The following UBN2 variants were observed in gnomAD, a reference collection of about 807,000 sequenced individuals.
The protein encoded by UBN2 is ubinuclein-2.
Under a neutral mutation model 120.2 loss-of-function variants are expected in UBN2, and 35 were observed. The ratio of observed to expected loss-of-function variants is 0.29; its 90% CI spans 0.22 to 0.39. The LOEUF is 0.39. Ranked by LOEUF, UBN2 falls within the 10% of genes least tolerant of loss-of-function variation. The probability of loss-of-function intolerance (pLI) is 1.00; values close to 1 mark genes in which losing one functional copy is unlikely to be tolerated. For missense variants in UBN2, 1,693 were observed against 1,663.2 expected (o/e 1.02, Z -0.31); for synonymous variants, 661 against 648.7 (o/e 1.02, Z -0.29).
At chr7:139,235,551 C>G (rs561133529) in intron 1 of UBN2, among the ~76,000 whole-genome samples, 1 of 152,112 alleles carries the variant, frequency 6.6e-6, no homozygotes, top group Admixed American at 6.5e-5. Context: ...GGACTACAGG[C>G]GTGTGCCACC....
intron 8 of UBN2, among the ~76,000 whole-genome samples, chr7:139,269,995 G>A (rs1347794205): frequency 6.6e-6 from 1 of 151,890 alleles, no homozygotes; most frequent in Admixed American, 6.6e-5. Context: ...TTTTCTGTAG[G>A]GACAGGGTCT....
intron 5 of UBN2, 108 bp downstream of exon 5, chr7:139,259,478 T>G (rs1333335477): frequency 1.4e-6 from 2 of 1,411,830 alleles, no homozygotes; most frequent in African/African-American, 2.9e-5. Flanking sequence ...GAGTCTAATT[T>G]AGTACGTTAT....
chr7:139,260,330 T>C (rs1796893607), intron 5 of UBN2, among the ~76,000 whole-genome samples: 1 of 151,576 alleles, frequency 6.6e-6, no homozygotes, highest in Non-Finnish European at 1.5e-5. Flanking sequence ...ACTCCTGGGC[T>C]CAAGTGATTC....
At chr7:139,239,868 T>C (rs1295220591) in intron 2 of UBN2, among the ~76,000 whole-genome samples, 1 of 152,212 alleles carries the variant, frequency 6.6e-6, no homozygotes, top group Non-Finnish European at 1.5e-5. Context: ...GAGTGTCTAT[T>C]TTGCTGTGGG....
chr7:139,273,025 T>G lies in UBN2; in HGVS notation c.1716-272T>G, dbSNP rs538221235. ...CAAGAGCTGACACTGGTGAGAGATT[T>G]CACAACCCCAGCTTGACTGACTGTG... On this transcript the variant is annotated intron_variant, in intron 9 of 17. Coordinates refer to ENST00000473989, the MANE Select transcript of UBN2 (RefSeq NM_173569.4). Among the ~76,000 whole-genome samples, 8 of 152,330 alleles carry G rather than the reference T, an allele frequency of 5.3e-5. No homozygotes were observed. The South Asian group carries it at 1.7e-3, about 32-fold the overall frequency.
chr7:139,242,870 G>C (rs1403098204), intron 2 of UBN2, among the ~76,000 whole-genome samples: 1 of 152,128 alleles, frequency 6.6e-6, no homozygotes, highest in East Asian at 1.9e-4. Context: ...CCTTTCTATT[G>C]GTAGGTTGAA....
Position 139,293,419 on chromosome 7 carries a change from C to T in UBN2, c.3857C>T (p.Thr1286Ile), listed in dbSNP as rs1179631597. Residue 1286 changes from threonine (T) to isoleucine (I), a missense_variant, in exon 16 of 18, where the codon ACC (threonine) becomes ATC (isoleucine). Thr to Ile is a moderately conservative substitution (Grantham distance 89). Transcript: ENST00000473989. ...FGTDTAGVTTTSGSTSAAFHH... is the reference protein window; with the variant it reads ...FGTDTAGVTTISGSTSAAFHH... ...ACGGACACAGCTGGAGTGACAACCA[C>T]CTCGGGATCTACCTCAGCCGCTTTC... 1.9e-6 allele frequency: 3 copies of T among 1,614,006 alleles called. No homozygotes were observed. Among genetic ancestry groups the T allele is most frequent in the East Asian group, 2.2e-5 (1 of 44,888 alleles).
intron 8 of UBN2, among the ~76,000 whole-genome samples, chr7:139,271,603 G>C (rs75085609): frequency 2.6e-5 from 4 of 151,496 alleles, no homozygotes; most frequent in Non-Finnish European, 2.9e-5. Flanking sequence ...AAAAAAAATT[G>C]TTTCAGTAAA....
chr7:139,280,840 T>G (rs1797587146), intron 13 of UBN2, among the ~76,000 whole-genome samples: 1 of 152,170 alleles, frequency 6.6e-6, no homozygotes, highest in African/African-American at 2.4e-5. Flanking sequence ...GAGACGGGGT[T>G]TCACCATGTT....
rs142378700 is a variant in UBN2, at chr7:139,272,494, TTATGTATG to T, written c.1715+94_1715+101del. 2.1e-3 allele frequency: 2,320 copies of T among 1,104,674 alleles called. 15 individuals carry two copies. The highest frequency in any genetic ancestry group is 1.4e-3 in the Non-Finnish European group (1,071 of 769,308). The allele number at this position is 1,104,674 out of a possible 1,614,324, so 68.4% of individuals were successfully genotyped here. A position where few individuals can be genotyped will look rare whatever the true frequency, so the allele number is the denominator to read the frequency against. ...TTTGCATTTGAGAAGTGTATGTACG[TTATGTATG>T]TATGTATGTATGTATGTATGTATGT... On this transcript the variant is annotated intron_variant, in intron 9 of 17. Transcript: ENST00000473989.
chr7:139,324,779 T>G, the UBN2 span, among the ~76,000 whole-genome samples: 5 of 151,962 alleles, frequency 3.3e-5, no homozygotes, highest in Non-Finnish European at 7.4e-5. Flanking sequence ...GAAACCAGCC[T>G]GGCCAATATG....
In UBN2 at chr7:139,240,429, AAT is replaced by A. The variant is rs201805771; in HGVS notation, c.561+3357_561+3358del. 7.6e-3 allele frequency among the ~76,000 whole-genome samples: 1,008 copies of A among 133,218 alleles called. 8 individuals are homozygous for A. Among genetic ancestry groups the A allele is most frequent in the African/African-American group, 0.023 (802 of 35,242 alleles). 87.4% of individuals were successfully genotyped at this position (133,218 alleles called of 152,430 possible). ...GATATGAGCCACTGTACCCAGCCTAAATATATATATATATATATATATATATT... is the reference window on the plus strand; with the variant it reads ...GATATGAGCCACTGTACCCAGCCTAAATATATATATATATATATATATATT... On this transcript the variant is annotated intron_variant, in intron 2 of 17. Transcript: ENST00000473989.
At chr7:139,279,533 G>A (rs1797541692) in intron 13 of UBN2, among the ~76,000 whole-genome samples, 173 bp downstream of exon 13, 1 of 152,190 alleles carries the variant, frequency 6.6e-6, no homozygotes, top group African/African-American at 2.4e-5. Flanking sequence ...AGATTCCTGT[G>A]TAGCAGTGGG....
chr7:139,327,550 T>C, the UBN2 span, among the ~76,000 whole-genome samples: 4 of 152,162 alleles, frequency 2.6e-5, no homozygotes, highest in African/African-American at 7.2e-5. Context: ...AAACTCACTT[T>C]TATAACAAGC....
intron 3 of UBN2, among the ~76,000 whole-genome samples, chr7:139,256,788 AGTG>A (rs1250261400): frequency 6.6e-6 from 1 of 152,196 alleles, no homozygotes; most frequent in Non-Finnish European, 1.5e-5. Flanking sequence ...TCTTTCTAGT[AGTG>A]TATCAAGTAG....
At chr7:139,277,367 T>C (rs764288676) in intron 12 of UBN2, 8 of 152,256 alleles carry the variant, frequency 5.3e-5, no homozygotes, top group African/African-American at 1.4e-4. Flanking sequence ...AGTAGTCTAC[T>C]GTTGACCTGA....
the UBN2 span, among the ~76,000 whole-genome samples, chr7:139,324,621 G>A: frequency 6.7e-6 from 1 of 149,874 alleles, no homozygotes; most frequent in Admixed American, 6.7e-5. Context: ...AAAAATGAAT[G>A]TTTAGAAATG....
chr7:139,284,226 C>T lies in UBN2; in HGVS notation c.3321C>T (p.Asn1107=), dbSNP rs754623856. Residue 1107 remains asparagine (N), a synonymous_variant, in exon 15 of 18, where the codon AAC becomes AAT. Coordinates refer to ENST00000473989, the MANE Select transcript of UBN2 (RefSeq NM_173569.4). ...CCCAGGGTAGCCACTCCAGCACTAA[C>T]AGCCCAGTCCATAAACAGCCCAGTG... ...LVAQGSHSST[N]SPVHKQPSGM... The T allele has an allele frequency of 6.2e-7, 1 of 1,614,190 alleles. No homozygotes were observed. Among genetic ancestry groups the T allele is most frequent in the South Asian group, 1.1e-5 (1 of 91,086 alleles).
At chr7:139,252,432 T>C (rs183102366) in intron 3 of UBN2, among the ~76,000 whole-genome samples, 1 of 152,366 alleles carries the variant, frequency 6.6e-6, no homozygotes, top group East Asian at 1.9e-4. Context: ...AGAATTAGCA[T>C]GGCTGCGTTA....
Sources: allele counts gnomAD v4.1 joint callset (sites outside exome capture counted in the v4.1 genomes callset), GRCh38; gene constraint gnomAD v4.1.1; transcripts MANE v1.5; gene names NCBI Gene and HGNC (gene_info 2026-07-23, HGNC 2026-07-21).